The following TCP11 variants were observed in gnomAD, a reference collection of about 807,000 sequenced individuals.
TCP11 encodes the protein T-complex protein 11 homolog.
Under a neutral mutation model 45.0 loss-of-function variants are expected in TCP11, and 34 were observed. That is an observed-to-expected ratio of 0.76 (90% CI 0.57 to 1.01). The LOEUF is 1.01. Among genes scored for constraint, TCP11 ranks in the 50% least tolerant of loss-of-function variants. The probability of loss-of-function intolerance (pLI) is 0.00; values close to 1 mark genes in which losing one functional copy is unlikely to be tolerated. For synonymous variants in TCP11, 227 were observed against 227.0 expected, an observed-to-expected ratio of 1.00 and a Z score of 0.00; for missense variants, 523 against 598.1, an observed-to-expected ratio of 0.87 and a Z score of 1.31.
At chr6:35,125,051 T>C (rs1244398549) in intron 4 of TCP11, among the ~76,000 whole-genome samples, 1 of 150,846 alleles carries the variant, frequency 6.6e-6, no homozygotes, top group Non-Finnish European at 1.5e-5. Flanking sequence ...GGCGTGATAG[T>C]GCACACTTGT....
At chr6:35,139,435 G>C (rs891929899) in intron 2 of TCP11, among the ~76,000 whole-genome samples, 2 of 152,188 alleles carry the variant, frequency 1.3e-5, no homozygotes, top group African/African-American at 4.8e-5. Flanking sequence ...CTCTGCTTAG[G>C]TAAACATGAA....
At chr6:35,129,979 C>T (rs1222180795) in intron 3 of TCP11, among the ~76,000 whole-genome samples, 3 of 151,832 alleles carry the variant, frequency 2.0e-5, no homozygotes, top group South Asian at 2.1e-4. Context: ...ATGGGGGTCC[C>T]GCTATGTTGC....
chr6:35,134,749 C>T (rs1356112368), intron 3 of TCP11, among the ~76,000 whole-genome samples: 2 of 151,842 alleles, frequency 1.3e-5, no homozygotes, highest in Non-Finnish European at 2.9e-5. Flanking sequence ...GTTGAATTCA[C>T]GGGATGCAGA....
intron 3 of TCP11, among the ~76,000 whole-genome samples, chr6:35,134,287 T>G (rs969359371): frequency 1.2e-4 from 16 of 138,294 alleles, no homozygotes; most frequent in African/African-American, 4.4e-4. Flanking sequence ...TTTTTTTTTT[T>G]TTTTTTTGGT....
At chr6:35,135,527 T>C (rs762521070) in intron 3 of TCP11, among the ~76,000 whole-genome samples, 5 of 151,446 alleles carry the variant, frequency 3.3e-5, no homozygotes, top group African/African-American at 1.2e-4. Flanking sequence ...GGCTCATGCC[T>C]GTAATCCCAG....
At chr6:35,121,138 T>C (rs73405725) in intron 5 of TCP11, 93 bp from the exon 6 acceptor site, 29,171 of 1,398,788 alleles carry the variant, frequency 0.021, 367 homozygotes, top group African/African-American at 0.046. Flanking sequence ...TAGGAGGGGC[T>C]TAAGACTAAC....
Position 35,124,085 on chromosome 6 carries a change from C to G in TCP11, c.358-1748G>C, listed in dbSNP as rs943767753. 3.9e-5 allele frequency among the ~76,000 whole-genome samples: 6 copies of G among 152,194 alleles called. No individual in the cohort carries two copies. In the East Asian group the frequency reaches 1.2e-3, roughly 29 times the overall value. On this transcript the variant is annotated intron_variant, in intron 4 of 9. Transcript: ENST00000311875. ...CTAGAATTACAGGCCTGAGCCACCA[C>G]AGCCAGCCCCTTTTCGGATTTTTGA... is the stretch of plus-strand genomic sequence containing the variant.
At chr6:35,133,377 C>T (rs1022232291) in intron 3 of TCP11, among the ~76,000 whole-genome samples, 2 of 152,212 alleles carry the variant, frequency 1.3e-5, no homozygotes, top group Admixed American at 6.5e-5. Flanking sequence ...GAGACGAGGT[C>T]TCACTATGTT....
chr6:35,127,061 C>T (rs1194776499), intron 4 of TCP11, among the ~76,000 whole-genome samples: 2 of 152,130 alleles, frequency 1.3e-5, no homozygotes, highest in Admixed American at 6.5e-5. Context: ...CACCTGATAA[C>T]CCACTTGCAG....
intron 4 of TCP11, among the ~76,000 whole-genome samples, chr6:35,127,271 C>T (rs947436403): frequency 2.6e-5 from 4 of 152,158 alleles, no homozygotes; most frequent in African/African-American, 4.8e-5. Flanking sequence ...TGTGGCCACA[C>T]AATGGGGGTA....
At chr6:35,121,460 G>A (rs891525735) in intron 5 of TCP11, among the ~76,000 whole-genome samples, 1 of 150,612 alleles carries the variant, frequency 6.6e-6, no homozygotes, top group African/African-American at 2.5e-5. Context: ...GTGAAATACG[G>A]ATGACCACTC....
chr6:35,126,335 T>C (rs1779816849), intron 4 of TCP11, among the ~76,000 whole-genome samples: 1 of 152,326 alleles, frequency 6.6e-6, no homozygotes, highest in African/African-American at 2.4e-5. Flanking sequence ...TGGAGTTGTC[T>C]TCCCTGTTTG....
chr6:35,134,213 C>G (rs1780785178), intron 3 of TCP11, among the ~76,000 whole-genome samples: 1 of 151,212 alleles, frequency 6.6e-6, no homozygotes, highest in Admixed American at 6.6e-5. Context: ...CATGGATGCT[C>G]AAGTCCCTGA....
chr6:35,141,128 G>A, intron 1 of TCP11, 77 bp downstream of exon 1: 2 of 1,311,964 alleles, frequency 1.5e-6, no homozygotes, highest in South Asian at 2.0e-5. Flanking sequence ...GCGTGGGAAG[G>A]CCCCTTCCTT....
intron 2 of TCP11, among the ~76,000 whole-genome samples, chr6:35,138,239 T>C (rs1420816229): frequency 1.3e-5 from 2 of 152,184 alleles, no homozygotes; most frequent in Non-Finnish European, 2.9e-5. Context: ...CTGCTGGGTA[T>C]ATACCCAAAA....
intron 3 of TCP11, among the ~76,000 whole-genome samples, chr6:35,130,143 C>G (rs1185296940): frequency 6.6e-6 from 1 of 151,914 alleles, no homozygotes; most frequent in African/African-American, 2.4e-5. Context: ...AACTAGATAT[C>G]TAAATACAAA....
chr6:35,140,780 C>T lies in TCP11; in HGVS notation c.91G>A (p.Glu31Lys). ...CKPETSGPPQEDKSGSEDPPP... is the reference protein window; with the variant it reads ...CKPETSGPPQKDKSGSEDPPP... ...GGGTCCTCGGAGCCGCTCTTGTCTT[C>T]CTGGGGGGGTCCTGAGGTTTCGGGC... The change falls in exon 2 of 10, where the codon GAA becomes AAA. Residue 31 changes from glutamate to lysine, a missense_variant. By Grantham distance (56) the Glu-to-Lys change is moderately conservative (BLOSUM62 1). Transcript: ENST00000311875. 2 of 1,531,552 alleles carry T rather than the reference C, an allele frequency of 1.3e-6. No individual in the cohort carries two copies. The highest frequency in any genetic ancestry group is 1.7e-6 in the Non-Finnish European group (2 of 1,143,980). The allele number at this position is 1,531,552 out of a possible 1,614,324, so 94.9% of individuals were successfully genotyped here.
chr6:35,140,887 G>T lies in TCP11; in HGVS notation c.-14-3C>A, dbSNP rs1781683422. 1 of 1,569,382 alleles carries T rather than the reference G, an allele frequency of 6.4e-7. No individual in the cohort carries two copies. Among genetic ancestry groups the T allele is most frequent in the Non-Finnish European group, 8.6e-7 (1 of 1,161,824 alleles). Reference sequence around the variant, plus strand: ...GTCTGGCATTTTGCTGATGGTATCTGGGTGAGGGAGAAAGGCGTGTTGTTG... The same window carrying T: ...GTCTGGCATTTTGCTGATGGTATCTTGGTGAGGGAGAAAGGCGTGTTGTTG... On this transcript the variant is annotated splice_polypyrimidine_tract_variant and splice_region_variant and intron_variant, in intron 1 of 9. Transcript: ENST00000311875.
At chr6:35,135,620 TAA>T (rs35859439) in intron 3 of TCP11, among the ~76,000 whole-genome samples, 274 of 121,514 alleles carry the variant, frequency 2.3e-3, no homozygotes, top group African/African-American at 8.1e-3. Flanking sequence ...ACCCCATCTC[TAA>T]AAAAAAAAAA....
Sources: allele counts gnomAD v4.1 joint callset (sites outside exome capture counted in the v4.1 genomes callset), GRCh38; gene constraint gnomAD v4.1.1; transcripts MANE v1.5; gene names NCBI Gene and HGNC (gene_info 2026-07-23, HGNC 2026-07-21).